ZNF700: variants seen among roughly 807,000 people sequenced by gnomAD.
The protein encoded by ZNF700 is zinc finger protein 700.
In ZNF700, 38 loss-of-function variants were observed where a neutral mutation model predicts 65.3. The ratio of observed to expected loss-of-function variants is 0.58; its 90% confidence interval spans 0.45 to 0.76. ZNF700 has a LOEUF of 0.76. Ranked by LOEUF, ZNF700 falls within the 30% of genes least tolerant of loss-of-function variation. The pLI, the probability that ZNF700 is intolerant of heterozygous loss-of-function variation, is 0.00. For missense variants in ZNF700, 857 were observed against 888.4 expected (o/e 0.96, Z 0.45); for synonymous variants, 285 against 290.4 (o/e 0.98, Z 0.19).
chr19:11,934,676 G>A (rs566515540), intron 1 of ZNF700, among the ~76,000 whole-genome samples: 6 of 147,252 alleles, frequency 4.1e-5, no homozygotes, highest in South Asian at 2.1e-4. Context: ...ACAGGCGTGC[G>A]CTGCCTCTCC....
At chr19:11,947,679 C>A in intron 3 of ZNF700, 105 bp downstream of exon 3, 1 of 1,123,146 alleles carries the variant, frequency 8.9e-7, no homozygotes. Context: ...GCATCAAATT[C>A]ATTTCTTCTT....
At chr19:11,942,587 T>C (rs113531904) in intron 1 of ZNF700, among the ~76,000 whole-genome samples, 7,835 of 152,290 alleles carry the variant, frequency 0.051, 281 homozygotes, top group African/African-American at 0.095. Flanking sequence ...GAGAAATTCC[T>C]GCCCCTTTTG....
In ZNF700 at chr19:11,949,762, C is replaced by T. The variant is rs530689776; in HGVS notation, c.1738C>T (p.Arg580Ter). The T allele has an allele frequency of 3.7e-5, 60 of 1,613,916 alleles. No individual in the cohort carries two copies. Among genetic ancestry groups the T allele is most frequent in the East Asian group, 2.0e-4 (9 of 44,850 alleles). ...AGCCTTCAGATCTGCCTCACACCTT[C>T]GAATGCATGAAAGGACTCACACTGG... ...GKAFRSASHL[R>*]MHERTHTGEK... Residue 580 changes from arginine (R) to a stop codon, truncating the protein, a stop_gained, in exon 4 of 4, where the codon CGA becomes TGA. Transcript: ENST00000254321. LOFTEE classifies it high-confidence loss of function.
At position 11,936,870 on chromosome 19, in the gene ZNF700, T is replaced by C. The variant is rs530268253; in HGVS notation, c.64-10311T>C. On this transcript the variant is annotated intron_variant, in intron 1 of 3. Coordinates refer to ENST00000254321, the MANE Select transcript of ZNF700 (RefSeq NM_144566.3). The stretch of plus-strand genomic sequence containing the variant: ...ATCTTGAATTAATTTTTGTGTAAGG[T>C]GTAAGGAAGGGATCCAGTTTCAGCT... Among the ~76,000 whole-genome samples the C allele has an allele frequency of 7.2e-5, 11 of 152,290 alleles. No individual in the cohort carries two copies. The East Asian group carries it at 9.6e-4, about 13-fold the overall frequency.
intron 1 of ZNF700, 101 bp downstream of exon 1, chr19:11,925,374 G>C (rs916920820): frequency 5.2e-6 from 8 of 1,549,612 alleles, no homozygotes; most frequent in Non-Finnish European, 7.0e-6. Flanking sequence ...GGGCGACTCC[G>C]GGGTCTGGGA....
At chr19:11,947,459 A>AT in intron 2 of ZNF700, 55 bp from the exon 3 acceptor site, 5 of 1,602,514 alleles carry the variant, frequency 3.1e-6, no homozygotes, top group Non-Finnish European at 4.3e-6. Context: ...GAATCTAATA[A>AT]TTTTTTCACA....
chr19:11,947,315 T>C lies in ZNF700; in HGVS notation c.190+8T>C, dbSNP rs1204219875. ...GGAACCTGACCTCTATAGGTAAGGA[T>C]GACAATATTCCTTCCGTCAGTGCAT... On this transcript the variant is annotated splice_region_variant and intron_variant, in intron 2 of 3. Transcript: ENST00000254321. 6.2e-7 allele frequency: 1 copy of C among 1,613,598 alleles called. No individual in the cohort carries two copies.
Position 11,950,114 on chromosome 19 carries a change from C to G in ZNF700, c.2090C>G (p.Thr697Arg). 6 of 1,614,070 alleles carry G rather than the reference C, an allele frequency of 3.7e-6. No homozygotes were observed. Among genetic ancestry groups the G allele is most frequent in the Non-Finnish European group, 5.1e-6 (6 of 1,179,990 alleles). The change falls in exon 4 of 4, where the codon ACA (threonine) becomes AGA (arginine). Residue 697 changes from threonine (T) to arginine (R), a missense_variant. Coordinates refer to ENST00000254321, the MANE Select transcript of ZNF700 (RefSeq NM_144566.3). ...SAKILQIHAR[T>R]HIGEKHYECK... ...AAGATTCTTCAAATACATGCAAGAACACACATTGGAGAGAAACACTATGAA... is the reference window on the plus strand; with the variant it reads ...AAGATTCTTCAAATACATGCAAGAAGACACATTGGAGAGAAACACTATGAA...
At chr19:11,942,734 T>A (rs1359503335) in intron 1 of ZNF700, among the ~76,000 whole-genome samples, 1 of 152,222 alleles carries the variant, frequency 6.6e-6, no homozygotes, top group Non-Finnish European at 1.5e-5. Flanking sequence ...ATACAATGTC[T>A]GGAATCTATA....
At position 11,949,404 on chromosome 19, in the gene ZNF700, C is replaced by T; in HGVS notation, c.1380C>T (p.His460=). The T allele has an allele frequency of 1.2e-6, 2 of 1,613,080 alleles. No homozygotes were observed. The highest frequency in any genetic ancestry group is 1.7e-6 in the Non-Finnish European group (2 of 1,179,736). Reference sequence around the variant, plus strand: ...GGAAAGCCTTCAGATCTACCTCACACCTTCGAGTGCATGGTAGGACTCATA... The same window carrying T: ...GGAAAGCCTTCAGATCTACCTCACATCTTCGAGTGCATGGTAGGACTCATA... ...ECGKAFRSTS[H]LRVHGRTHTG... Residue 460 remains histidine (H), a synonymous_variant, in exon 4 of 4, where the codon CAC becomes CAT. Coordinates refer to ENST00000254321, the MANE Select transcript of ZNF700 (RefSeq NM_144566.3).
chr19:11,943,106 CTATTAT>C (rs533841379), intron 1 of ZNF700, among the ~76,000 whole-genome samples: 1 of 152,070 alleles, frequency 6.6e-6, no homozygotes, highest in Admixed American at 6.6e-5. Flanking sequence ...AAGCAGGTTT[CTATTAT>C]TATTATTATT....
chr19:11,939,080 T>G (rs1251317254), intron 1 of ZNF700, among the ~76,000 whole-genome samples: 3 of 152,260 alleles, frequency 2.0e-5, no homozygotes, highest in Admixed American at 6.5e-5. Context: ...GTTGTTTGAT[T>G]TTTTCTTGTA....
chr19:11,941,792 G>T (rs909164754), intron 1 of ZNF700, among the ~76,000 whole-genome samples: 1 of 152,246 alleles, frequency 6.6e-6, no homozygotes, highest in Non-Finnish European at 1.5e-5. Context: ...CAAAGTGGGA[G>T]CCCAGGCAGG....
rs754619442 is a variant in ZNF700 at position 11,947,208 on chromosome 19, G to A, written c.91G>A (p.Val31Met). 1.2e-5 allele frequency: 20 copies of A among 1,613,796 alleles called. No individual in the cohort carries two copies. The highest frequency in any genetic ancestry group is 1.7e-5 in the Admixed American group (1 of 59,918). ...MDPVAFEDVA[V>M]NFTQEEWTLL... ...CCCAGTGGCCTTTGAGGATGTGGCT[G>A]TGAACTTCACCCAGGAAGAGTGGAC... The change falls in exon 2 of 4, where the codon GTG (valine) becomes ATG (methionine). Residue 31 changes from valine (V) to methionine (M), a missense_variant. Transcript: ENST00000254321.
intron 3 of ZNF700, among the ~76,000 whole-genome samples, chr19:11,947,920 A>G (rs1435439305): frequency 6.6e-6 from 1 of 152,204 alleles, no homozygotes. Context: ...AGGCAGGAGG[A>G]TCACTCGAGA....
At chr19:11,941,374 G>A (rs918082921) in intron 1 of ZNF700, among the ~76,000 whole-genome samples, 17 of 152,228 alleles carry the variant, frequency 1.1e-4, no homozygotes, top group African/African-American at 2.7e-4. Flanking sequence ...GGCTCGGGCC[G>A]CACAGGAGCC....
chr19:11,950,409 A>G lies in ZNF700; in HGVS notation c.*156A>G. 6.0e-6 allele frequency: 5 copies of G among 828,988 alleles called. No individual in the cohort carries two copies. The South Asian group carries it at 6.2e-5, about 10-fold the overall frequency. 51.4% of individuals were successfully genotyped at this position (828,988 alleles called of 1,614,324 possible). A position where few individuals can be genotyped will look rare whatever the true frequency, so the allele number is the denominator to read the frequency against. On this transcript the variant is annotated 3_prime_UTR_variant, in exon 4 of 4. Coordinates refer to ENST00000254321, the MANE Select transcript of ZNF700 (RefSeq NM_144566.3). ...CCTATCAATGTAAGCAGTGTGGGAAAGCCTTCATTCCTTTTACTTCTTTTC... is the reference window on the plus strand; with the variant it reads ...CCTATCAATGTAAGCAGTGTGGGAAGGCCTTCATTCCTTTTACTTCTTTTC...
intron 1 of ZNF700, among the ~76,000 whole-genome samples, chr19:11,928,510 A>ATGGCTTGATC: frequency 6.6e-6 from 1 of 151,572 alleles, no homozygotes; most frequent in African/African-American, 2.4e-5. Context: ...AGGCGGGCGG[A>ATGGCTTGATC]TCACGAGGTC....
chr19:11,936,756 C>T (rs113389312), intron 1 of ZNF700, among the ~76,000 whole-genome samples: 2,298 of 152,218 alleles, frequency 0.015, 44 homozygotes, highest in African/African-American at 0.05. Flanking sequence ...GTCATGAAGT[C>T]CTTGCCCATG....
Sources: gnomAD v4.1 joint callset for allele counts (sites outside exome capture counted in the v4.1 genomes callset) on GRCh38, gnomAD v4.1.1 for gene constraint, MANE v1.5 for transcripts, NCBI Gene and HGNC (gene_info 2026-07-23, HGNC 2026-07-21) for gene names.